The following ASTN2 variants were observed in gnomAD, a reference collection of about 807,000 sequenced individuals.
ASTN2 encodes astrotactin 2.
A neutral mutation model predicts 139.8 loss-of-function variants in ASTN2; 54 were observed. That is an observed-to-expected ratio of 0.39 (90% CI 0.31 to 0.48). The LOEUF (loss-of-function observed/expected upper bound fraction) is 0.48, where lower values mean the gene tolerates loss of function less well. Among genes scored for constraint, ASTN2 ranks in the 20% least tolerant of loss-of-function variants. ASTN2 has a pLI of 0.95. For missense variants in ASTN2, 1,565 were observed against 1,725.1 expected (o/e 0.91, Z 1.64); for synonymous variants, 756 against 719.5 (o/e 1.05, Z -0.81).
chr9:116,486,068 T>C (rs544809269), intron 20 of ASTN2, among the ~76,000 whole-genome samples: 47 of 152,368 alleles, frequency 3.1e-4, no homozygotes, highest in African/African-American at 1.1e-3. Flanking sequence ...GTGGGTTTTA[T>C]TATTTGTTTT....
At chr9:116,869,668 CTT>C (rs1352569953) in intron 10 of ASTN2, among the ~76,000 whole-genome samples, 1 of 152,188 alleles carries the variant, frequency 6.6e-6, no homozygotes, top group African/African-American at 2.4e-5. Context: ...GCTTGGCAAA[CTT>C]TTCTGTACAG....
intron 22 of ASTN2, among the ~76,000 whole-genome samples, chr9:116,426,724 T>C (rs1315504886): frequency 6.8e-6 from 1 of 147,338 alleles, no homozygotes; most frequent in Non-Finnish European, 1.5e-5. Flanking sequence ...TTTGAAATCT[T>C]GCCCTTTGTG....
chr9:117,045,592 T>C (rs1838711916), intron 5 of ASTN2, among the ~76,000 whole-genome samples: 1 of 152,214 alleles, frequency 6.6e-6, no homozygotes, highest in Admixed American at 6.5e-5. Context: ...GTGTTGTTGA[T>C]CCACACATTG....
chr9:117,276,960 CT>C (rs1269004799), intron 2 of ASTN2: 9 of 152,188 alleles, frequency 5.9e-5, no homozygotes, highest in Non-Finnish European at 8.8e-5. Context: ...GACTTTCCCC[CT>C]AATGGTTTCG....
intron 16 of ASTN2, among the ~76,000 whole-genome samples, chr9:116,695,801 T>A (rs776776794): frequency 9.2e-5 from 14 of 152,202 alleles, no homozygotes; most frequent in Non-Finnish European, 2.1e-4. Flanking sequence ...TTCATAAGTA[T>A]ATGTATATCA....
At chr9:116,542,583 T>C (rs887430248) in intron 19 of ASTN2, among the ~76,000 whole-genome samples, 10 of 152,196 alleles carry the variant, frequency 6.6e-5, no homozygotes. Flanking sequence ...ATTTTGGAGT[T>C]ACAAAAGAGA....
At position 116,530,142 on chromosome 9, in the gene ASTN2, TATATATATAA is replaced by T. The variant is rs1319577782; in HGVS notation, c.3356-42652_3356-42643del. Among the ~76,000 whole-genome samples, 234 of 24,988 alleles carry T rather than the reference TATATATATAA, an allele frequency of 9.4e-3. 20 individuals are homozygous for T. The highest frequency in any genetic ancestry group is 0.018 in the African/African-American group (79 of 4,494). 16.4% of individuals were successfully genotyped at this position (24,988 alleles called of 152,430 possible). A position where few individuals can be genotyped will look rare whatever the true frequency, so the allele number is the denominator to read the frequency against. ...ATATATATATATATATATATATATA[TATATATATAA>T]AATAGAATATTATTAATCCTTAAAA... On this transcript the variant is annotated intron_variant, in intron 19 of 22. Transcript: ENST00000313400.
At chr9:117,305,429 A>AT (rs962880948) in intron 1 of ASTN2, among the ~76,000 whole-genome samples, 6 of 152,144 alleles carry the variant, frequency 3.9e-5, no homozygotes, top group Admixed American at 2.0e-4. Context: ...ATTCCCTGCT[A>AT]TTTTTTTAAA....
intron 1 of ASTN2, among the ~76,000 whole-genome samples, chr9:117,410,432 A>C (rs568721293): frequency 5.3e-5 from 8 of 152,194 alleles, no homozygotes; most frequent in Non-Finnish European, 1.2e-4. Context: ...CAGACAGTAC[A>C]AAGCAAGAGG....
intron 2 of ASTN2, among the ~76,000 whole-genome samples, chr9:117,243,668 G>A (rs1181921211): frequency 6.6e-6 from 1 of 152,136 alleles, no homozygotes; most frequent in Non-Finnish European, 1.5e-5. Context: ...CCCAAGCTAG[G>A]CAGCTAGAAA....
intron 1 of ASTN2, among the ~76,000 whole-genome samples, chr9:117,389,873 AG>A (rs1830497932): frequency 6.6e-6 from 1 of 151,746 alleles, no homozygotes; most frequent in Non-Finnish European, 1.5e-5. Context: ...AAAAAAGAAC[AG>A]GGTGTTGTGA....
At chr9:117,026,028 G>A (rs961600444) in intron 6 of ASTN2, among the ~76,000 whole-genome samples, 1 of 151,856 alleles carries the variant, frequency 6.6e-6, no homozygotes, top group African/African-American at 2.4e-5. Context: ...GCCTCCCAAA[G>A]TGTTGGGATT....
intron 13 of ASTN2, among the ~76,000 whole-genome samples, chr9:116,768,799 C>A (rs1829881317): frequency 6.6e-6 from 1 of 152,136 alleles, no homozygotes; most frequent in African/African-American, 2.4e-5. Context: ...TTCCCACCCT[C>A]CAGGACTATA....
chr9:116,433,686 T>C (rs12685149), intron 22 of ASTN2, among the ~76,000 whole-genome samples: 5,704 of 152,346 alleles, frequency 0.037, 137 homozygotes, highest in East Asian at 0.073. Flanking sequence ...GCCATGGTTT[T>C]ATGACTTTCC....
chr9:116,704,923 TAC>T (rs1047000080), intron 16 of ASTN2, among the ~76,000 whole-genome samples: 6 of 152,200 alleles, frequency 3.9e-5, no homozygotes, highest in Admixed American at 2.6e-4. Flanking sequence ...TCTAAGTATA[TAC>T]ACACACGCAC....
intron 10 of ASTN2, among the ~76,000 whole-genome samples, chr9:116,946,052 C>T (rs938934631): frequency 1.3e-5 from 2 of 152,168 alleles, no homozygotes; most frequent in African/African-American, 2.4e-5. Context: ...GCCACACTTA[C>T]AAATAATCAG....
intron 1 of ASTN2, among the ~76,000 whole-genome samples, chr9:117,339,759 G>T (rs1829006283): frequency 6.6e-6 from 1 of 152,000 alleles, no homozygotes; most frequent in South Asian, 2.1e-4. Context: ...AGGGGAGGAA[G>T]AAGGTGAAGG....
At chr9:117,244,252 T>G (rs1048674109) in intron 2 of ASTN2, among the ~76,000 whole-genome samples, 13 of 152,130 alleles carry the variant, frequency 8.5e-5, no homozygotes, top group African/African-American at 3.1e-4. Flanking sequence ...TACTTTGTTA[T>G]AGCAGTGTGA....
At chr9:116,451,411 T>C (rs977156579) in intron 20 of ASTN2, among the ~76,000 whole-genome samples, 5 of 151,910 alleles carry the variant, frequency 3.3e-5, no homozygotes, top group African/African-American at 1.2e-4. Flanking sequence ...GAATGCCTAC[T>C]AGGTGCTGGG....
Sources: allele counts gnomAD v4.1 joint callset (sites outside exome capture counted in the v4.1 genomes callset), GRCh38; gene constraint gnomAD v4.1.1; transcripts MANE v1.5; gene names NCBI Gene and HGNC (gene_info 2026-07-23, HGNC 2026-07-21).